KMT2C: variants seen among roughly 807,000 people sequenced by gnomAD.
KMT2C encodes the protein lysine methyltransferase 2C, also known as histone-lysine N-methyltransferase 2C.
In KMT2C, 88 loss-of-function variants were observed where a neutral mutation model predicts 507.9. The observed-to-expected ratio is 0.17, with a 90% CI of 0.15 to 0.21. The LOEUF (loss-of-function observed/expected upper bound fraction) is 0.21. Among genes scored for constraint, KMT2C ranks in the 10% least tolerant of loss-of-function variants. The pLI, the probability that KMT2C is intolerant of heterozygous loss-of-function variation, is 1.00. For synonymous variants in KMT2C, 2,049 were observed against 2,080.8 expected (o/e 0.98, Z 0.42); for missense variants, 4,954 against 5,957.8 (o/e 0.83, Z 5.55).
intron 23 of KMT2C, among the ~76,000 whole-genome samples, chr7:152,216,229 T>C (rs913981877): frequency 2.6e-5 from 4 of 152,228 alleles, no homozygotes; most frequent in Non-Finnish European, 5.9e-5. Context: ...ATGGGATTTT[T>C]TTCTTGCATT....
chr7:152,272,031 T>C (rs2095985867), intron 7 of KMT2C, among the ~76,000 whole-genome samples: 4 of 152,154 alleles, frequency 2.6e-5, no homozygotes, highest in Admixed American at 2.6e-4. Context: ...ATATTTATCC[T>C]ATCTAAATTT....
rs140522381 is a variant in KMT2C, at chr7:152,251,986, T to G, written c.1574A>C (p.Asp525Ala). 4.0e-5 allele frequency: 64 copies of G among 1,613,056 alleles called. No homozygotes were observed. The African/African-American group carries it at 6.9e-4, about 17-fold the overall frequency. ...CACTTCCTCACCTGGCTGTAAACGA[T>G]CCATCTCAGCTCCCAGGTGTTTACA... ...MYCKHLGAEM[D>A]RLQPGEEVEI... The change falls in exon 11 of 59, where the codon GAT (aspartate) becomes GCT (alanine). Residue 525 changes from aspartate to alanine, a missense_variant. Asp to Ala is a moderately radical substitution (Grantham distance 126). Transcript: ENST00000262189.
chr7:152,333,649 A>T (rs1424585497), intron 2 of KMT2C, among the ~76,000 whole-genome samples: 1 of 152,234 alleles, frequency 6.6e-6, no homozygotes, highest in African/African-American at 2.4e-5. Flanking sequence ...CTCTTTAAAA[A>T]AAGAAAACTA....
chr7:152,182,155 A>C lies in KMT2C; in HGVS notation c.5705T>G (p.Val1902Gly). The C allele has an allele frequency of 1.2e-6, 2 of 1,614,126 alleles. No individual in the cohort carries two copies. The highest frequency in any genetic ancestry group is 1.1e-5 in the South Asian group (1 of 91,078). ...CACAGGAGGTGGTCGAGGGGTACCAACCATTTTTGCATATGGATCCATTGG... is the reference window on the plus strand; with the variant it reads ...CACAGGAGGTGGTCGAGGGGTACCACCCATTTTTGCATATGGATCCATTGG... ...PSPMDPYAKM[V>G]GTPRPPPVGH... Residue 1902 changes from valine to glycine, a missense_variant, in exon 36 of 59, where the codon GTT (valine) becomes GGT (glycine). Val to Gly is a moderately radical substitution (Grantham distance 109). Around this residue, in one of 29 missense-constraint regions of KMT2C, gnomAD observed 1,689 missense variants for 1,654.3 expected, o/e 1.02. Transcript: ENST00000262189.
intron 2 of KMT2C, among the ~76,000 whole-genome samples, chr7:152,356,005 G>A (rs926150428): frequency 5.3e-5 from 8 of 152,152 alleles, no homozygotes; most frequent in South Asian, 2.1e-4. Context: ...ACCAAAGTCC[G>A]TAATACATGA....
In KMT2C at chr7:152,162,599, A is replaced by T. The variant is rs2129103878; in HGVS notation, c.10978T>A (p.Ser3660Thr). The T allele has an allele frequency of 6.2e-7, 1 of 1,613,818 alleles. No homozygotes were observed. The highest frequency in any genetic ancestry group is 8.5e-7 in the Non-Finnish European group (1 of 1,179,968). The change falls in exon 43 of 59, where the codon TCG becomes ACG. Residue 3660 changes from serine to threonine, a missense_variant. By Grantham distance (58) the Ser-to-Thr change is moderately conservative. This residue lies in a region of KMT2C where 801 missense variants were observed against 751.2 expected (regional missense o/e 1.07). Transcript: ENST00000262189. ...GTGGATGGGCCGACTGGTTCCACCG[A>T]CTCTTGGTCGGCTTGTTGAGGAAGC... is the stretch of plus-strand genomic sequence containing the variant. ...SELPQQADQESVEPVGPSTPN... is the reference protein window; with the variant it reads ...SELPQQADQETVEPVGPSTPN...
chr7:152,382,188 C>G (rs143106867), intron 1 of KMT2C, among the ~76,000 whole-genome samples: 34 of 152,222 alleles, frequency 2.2e-4, no homozygotes, highest in African/African-American at 7.9e-4. Context: ...ACAACCTTTC[C>G]AGATCAGAGA....
At chr7:152,284,982 T>C (rs1002978408) in intron 6 of KMT2C, among the ~76,000 whole-genome samples, 1 of 152,132 alleles carries the variant, frequency 6.6e-6, no homozygotes, top group East Asian at 1.9e-4. Flanking sequence ...TACAGACACT[T>C]AAGAAACTGT....
chr7:152,253,455 G>A (rs1381826866), intron 9 of KMT2C, among the ~76,000 whole-genome samples: 10 of 130,422 alleles, frequency 7.7e-5, no homozygotes, highest in Admixed American at 2.8e-4. Flanking sequence ...TGGGAGGATC[G>A]CATGAAGCCA....
chr7:152,173,247 G>A (rs1029743810), intron 39 of KMT2C, among the ~76,000 whole-genome samples: 5 of 151,966 alleles, frequency 3.3e-5, no homozygotes, highest in Non-Finnish European at 7.4e-5. Flanking sequence ...TCTTAAATTC[G>A]TGCAAATTTT....
Position 152,221,519 on chromosome 7 carries a change from T to A in KMT2C, c.3499+482A>T, listed in dbSNP as rs559270891. Among the ~76,000 whole-genome samples, 5 of 152,346 alleles carry A rather than the reference T, an allele frequency of 3.3e-5. No homozygotes were observed. In the East Asian group the frequency reaches 9.6e-4, roughly 29 times the overall value. Reference sequence around the variant, plus strand: ...TAATTTTAAATGTACAAAACTGTTGTTCCTTAGAACAATTCCTGTACTATC... The same window carrying A: ...TAATTTTAAATGTACAAAACTGTTGATCCTTAGAACAATTCCTGTACTATC... On this transcript the variant is annotated intron_variant, in intron 22 of 58. Transcript: ENST00000262189.
chr7:152,362,208 C>G (rs540591210), intron 1 of KMT2C, among the ~76,000 whole-genome samples: 1 of 152,076 alleles, frequency 6.6e-6, no homozygotes, highest in Non-Finnish European at 1.5e-5. Context: ...CACTTTAGCA[C>G]AGAACTGAAG....
chr7:152,343,465 A>G (rs2097019492), intron 2 of KMT2C, among the ~76,000 whole-genome samples: 1 of 151,668 alleles, frequency 6.6e-6, no homozygotes, highest in African/African-American at 2.4e-5. Context: ...AAAAAAAAAA[A>G]AAGAACAGAA....
intron 9 of KMT2C, among the ~76,000 whole-genome samples, chr7:152,258,643 G>A (rs1002705035): frequency 6.6e-6 from 1 of 152,008 alleles, no homozygotes; most frequent in Non-Finnish European, 1.5e-5. Context: ...TCCTGTCTCG[G>A]CATCCTGAGT....
chr7:152,243,375 C>T (rs1408643686), intron 14 of KMT2C, among the ~76,000 whole-genome samples: 1 of 152,204 alleles, frequency 6.6e-6, no homozygotes, highest in African/African-American at 2.4e-5. Context: ...GGTTCTCTGG[C>T]TACTTTTAAA....
intron 46 of KMT2C, among the ~76,000 whole-genome samples, chr7:152,155,631 A>C (rs1220529993): frequency 6.6e-6 from 1 of 152,296 alleles, no homozygotes; most frequent in South Asian, 2.1e-4. Context: ...CACTACCTTC[A>C]TGTCTATTAG....
intron 1 of KMT2C, chr7:152,367,169 G>A: frequency 6.8e-7 from 1 of 1,464,694 alleles, no homozygotes; most frequent in Non-Finnish European, 9.4e-7. Flanking sequence ...ATTCTTCCAA[G>A]GATGGTCTCC....
chr7:152,384,576 CA>C (rs2097405132), intron 1 of KMT2C, among the ~76,000 whole-genome samples: 1 of 144,586 alleles, frequency 6.9e-6, no homozygotes, highest in African/African-American at 2.5e-5. Context: ...CCACCACCAC[CA>C]CCACCACCAC....
intron 1 of KMT2C, among the ~76,000 whole-genome samples, chr7:152,411,218 A>G (rs2097679751): frequency 6.6e-6 from 1 of 151,226 alleles, no homozygotes; most frequent in Non-Finnish European, 1.5e-5. Context: ...AGAAACAAAA[A>G]CTTTTTATCC....
Sources: allele counts gnomAD v4.1 joint callset (sites outside exome capture counted in the v4.1 genomes callset), GRCh38; gene constraint gnomAD v4.1.1; regional missense constraint gnomAD v4.1.1; transcripts MANE v1.5; gene names NCBI Gene and HGNC (gene_info 2026-07-23, HGNC 2026-07-21).